The following WBP2NL variants were observed in gnomAD, a reference collection of about 807,000 sequenced individuals.
WBP2NL encodes postacrosomal sheath WW domain-binding protein.
In WBP2NL, 27 loss-of-function variants were observed where a neutral mutation model predicts 23.3. That is an observed-to-expected ratio of 1.16 (90% CI 0.85 to 1.60). The LOEUF is 1.60. WBP2NL is among the 40% of genes most tolerant of loss of function. The pLI is 0.00. For missense variants in WBP2NL, 370 were observed against 389.5 expected, an observed-to-expected ratio of 0.95 and a Z score of 0.42; for synonymous variants, 151 against 145.9, an observed-to-expected ratio of 1.03 and a Z score of -0.25.
chr22:42,009,298 A>G (rs1194611664), intron 1 of WBP2NL, among the ~76,000 whole-genome samples: 1 of 152,196 alleles, frequency 6.6e-6, no homozygotes, highest in Non-Finnish European at 1.5e-5. Flanking sequence ...GTCCTTTGAT[A>G]CACAATTTTT....
chr22:42,001,882 TG>T (rs1018515952), intron 1 of WBP2NL: 9 of 1,491,410 alleles, frequency 6.0e-6, no homozygotes, highest in Non-Finnish European at 8.1e-6. Flanking sequence ...ACCCGCTCGA[TG>T]GGTGCTACCG....
intron 4 of WBP2NL, 103 bp from the exon 5 acceptor site, chr22:42,022,146 A>T: frequency 1.1e-6 from 1 of 940,946 alleles, no homozygotes; most frequent in Non-Finnish European, 1.7e-6. Context: ...TTGGAAACAC[A>T]TGTAAGGTGG....
At chr22:42,038,690 T>C (rs1602476459) in intron 8 of WBP2NL, among the ~76,000 whole-genome samples, 1 of 152,090 alleles carries the variant, frequency 6.6e-6, no homozygotes, top group South Asian at 2.1e-4. Flanking sequence ...GCAAGCTCCG[T>C]CTCCCGGGTT....
In WBP2NL at chr22:42,027,225, A is replaced by G; in HGVS notation, c.*44A>G. The G allele has an allele frequency of 6.4e-7, 1 of 1,551,044 alleles. No individual in the cohort carries two copies. The highest frequency in any genetic ancestry group is 8.7e-7 in the Non-Finnish European group (1 of 1,151,700). Reference sequence around the variant, plus strand: ...TTGAAGACTCACCAAGCAAAGAGGTACCCTAAAATTGAAGTCAGGATAAGG... The same window carrying G: ...TTGAAGACTCACCAAGCAAAGAGGTGCCCTAAAATTGAAGTCAGGATAAGG... On this transcript the variant is annotated 3_prime_UTR_variant, in exon 6 of 6. Coordinates refer to ENST00000328823, the MANE Select transcript of WBP2NL (RefSeq NM_152613.3).
intron 1 of WBP2NL, among the ~76,000 whole-genome samples, chr22:42,000,140 C>T (rs953982724): frequency 6.6e-6 from 1 of 152,238 alleles, no homozygotes; most frequent in African/African-American, 2.4e-5. Flanking sequence ...GGGGCCAGCA[C>T]ACTCAGGTCA....
At chr22:42,026,382 A>G (rs1388222595) in intron 5 of WBP2NL, among the ~76,000 whole-genome samples, 1 of 151,726 alleles carries the variant, frequency 6.6e-6, no homozygotes, top group Non-Finnish European at 1.5e-5. Flanking sequence ...AAATACACCA[A>G]AATAGTAAGT....
At chr22:42,017,099 A>G (rs1923372193) in intron 1 of WBP2NL, among the ~76,000 whole-genome samples, 1 of 151,566 alleles carries the variant, frequency 6.6e-6, no homozygotes, top group African/African-American at 2.4e-5. Flanking sequence ...CTCTACCTTC[A>G]CCTCTACCTA....
chr22:42,035,637 CTT>C (rs925984894), downstream of WBP2NL, among the ~76,000 whole-genome samples: 1 of 152,130 alleles, frequency 6.6e-6, no homozygotes, highest in Non-Finnish European at 1.5e-5. Flanking sequence ...TTTTTTGTCT[CTT>C]AAATTATTTT....
intron 1 of WBP2NL, among the ~76,000 whole-genome samples, chr22:42,014,320 G>C (rs1189259728): frequency 6.6e-6 from 1 of 152,138 alleles, no homozygotes; most frequent in Non-Finnish European, 1.5e-5. Context: ...TGACCTCCCA[G>C]GCTGAAGCAA....
chr22:42,013,798 T>C (rs1168341890), intron 1 of WBP2NL, among the ~76,000 whole-genome samples: 4 of 151,782 alleles, frequency 2.6e-5, no homozygotes, highest in Non-Finnish European at 5.9e-5. Flanking sequence ...TTTTTTTTTT[T>C]GAGAGAGAGT....
Position 42,010,838 on chromosome 22 carries a change from A to G in WBP2NL, c.63-8473A>G, listed in dbSNP as rs376538452. ...CAGGCGTGAGCCACCACGCCTGGCC[A>G]AAAATATACTGAATCTTTTCATATG... On this transcript the variant is annotated intron_variant, in intron 1 of 5. Coordinates refer to ENST00000328823, the MANE Select transcript of WBP2NL (RefSeq NM_152613.3). 2.0e-5 allele frequency among the ~76,000 whole-genome samples: 3 copies of G among 152,244 alleles called. No individual in the cohort carries two copies. In the East Asian group the frequency reaches 5.8e-4, roughly 29 times the overall value.
intron 1 of WBP2NL, chr22:42,002,824 C>T (rs964717783): frequency 7.2e-6 from 1 of 138,724 alleles, no homozygotes; most frequent in Non-Finnish European, 1.6e-5. Context: ...CCTATTAGTA[C>T]CCTAGCTTCC....
chr22:42,050,721 A>T (rs1485186335), intron 8 of WBP2NL, among the ~76,000 whole-genome samples: 1 of 152,122 alleles, frequency 6.6e-6, no homozygotes. Context: ...ACCAAAGAAG[A>T]TAAACAGATG....
chr22:42,008,396 G>A (rs372513711), intron 1 of WBP2NL, among the ~76,000 whole-genome samples: 6 of 151,414 alleles, frequency 4.0e-5, no homozygotes, highest in African/African-American at 1.2e-4. Context: ...TAGTAGAGAC[G>A]GGGTTTCGCT....
chr22:42,018,794 G>A (rs1288715287), intron 1 of WBP2NL, among the ~76,000 whole-genome samples: 1 of 151,846 alleles, frequency 6.6e-6, no homozygotes, highest in Non-Finnish European at 1.5e-5. Context: ...TGAAGAGGGA[G>A]AAGAATAAGA....
At chr22:42,014,990 T>G (rs986684874) in intron 1 of WBP2NL, among the ~76,000 whole-genome samples, 1 of 152,228 alleles carries the variant, frequency 6.6e-6, no homozygotes, top group Non-Finnish European at 1.5e-5. Flanking sequence ...TTTTATTAAT[T>G]TATTTTGTTC....
At chr22:42,044,977 A>C (rs1925529491) in intron 8 of WBP2NL, among the ~76,000 whole-genome samples, 1 of 150,824 alleles carries the variant, frequency 6.6e-6, no homozygotes. Flanking sequence ...CACCTGGCTA[A>C]TTTTTTTTTC....
chr22:42,050,347 A>C (rs918705455), intron 8 of WBP2NL, among the ~76,000 whole-genome samples: 2 of 151,776 alleles, frequency 1.3e-5, no homozygotes, highest in African/African-American at 4.8e-5. Context: ...AAAACAAAAA[A>C]CAAAAAAAAC....
At chr22:42,022,732 G>C (rs113285888) in intron 5 of WBP2NL, among the ~76,000 whole-genome samples, 254 of 152,214 alleles carry the variant, frequency 1.7e-3, no homozygotes, top group African/African-American at 5.7e-3. Context: ...CTGAGGACTC[G>C]AGCCCTGGGT....
Sources: gnomAD v4.1 joint callset for allele counts (sites outside exome capture counted in the v4.1 genomes callset) on GRCh38, gnomAD v4.1.1 for gene constraint, MANE v1.5 for transcripts, NCBI Gene and HGNC (gene_info 2026-07-23, HGNC 2026-07-21) for gene names.